The following AP1AR variants were observed in gnomAD, a reference collection of about 807,000 sequenced individuals.
AP1AR encodes the protein adaptor related protein complex 1 associated regulatory protein.
In AP1AR, 29 loss-of-function variants were observed where a neutral mutation model predicts 46.3. The observed-to-expected ratio is 0.63, with a 90% CI of 0.47 to 0.85. AP1AR has a LOEUF of 0.85. Ranked by LOEUF, AP1AR falls within the 40% of genes least tolerant of loss-of-function variation. The pLI is 0.00. For missense variants in AP1AR, 357 were observed against 356.3 expected, an observed-to-expected ratio of 1.00 and a Z score of -0.02; for synonymous variants, 122 against 122.9, an observed-to-expected ratio of 0.99 and a Z score of 0.05.
Position 112,268,327 on chromosome 4 carries a change from A to G in AP1AR, c.827A>G (p.Glu276Gly). The G allele has an allele frequency of 6.2e-7, 1 of 1,613,182 alleles. No homozygotes were observed. Among genetic ancestry groups the G allele is most frequent in the Non-Finnish European group, 8.5e-7 (1 of 1,179,364 alleles). ...GAAATGGATGATAATGGAAATTCCGAGTATTCTGGATTTGTAAATCCTGTA... is the reference window on the plus strand; with the variant it reads ...GAAATGGATGATAATGGAAATTCCGGGTATTCTGGATTTGTAAATCCTGTA... ...SAEMDDNGNS[E>G]YSGFVNPVLE... Residue 276 changes from glutamate to glycine, a missense_variant, in exon 10 of 10, where the codon GAG becomes GGG. Glu to Gly is a moderately conservative substitution (Grantham distance 98). Transcript: ENST00000274000.
intron 1 of AP1AR, among the ~76,000 whole-genome samples, chr4:112,250,562 C>G (rs1030855436): frequency 1.3e-5 from 2 of 152,134 alleles, no homozygotes; most frequent in Non-Finnish European, 2.9e-5. Context: ...AAACATAATT[C>G]AAGCATACTT....
chr4:112,239,752 C>T (rs976019881), intron 1 of AP1AR, among the ~76,000 whole-genome samples: 2 of 152,242 alleles, frequency 1.3e-5, no homozygotes, highest in Admixed American at 6.5e-5. Context: ...TCCTTCATGG[C>T]GCTTACCACT....
intron 1 of AP1AR, among the ~76,000 whole-genome samples, chr4:112,243,214 T>C (rs560745398): frequency 5.3e-4 from 81 of 152,368 alleles, no homozygotes; most frequent in African/African-American, 1.9e-3. Flanking sequence ...TTCTTCCAGC[T>C]TCTCACATCA....
chr4:112,261,981 T>A (rs1300612463), intron 5 of AP1AR, among the ~76,000 whole-genome samples: 12 of 147,080 alleles, frequency 8.2e-5, no homozygotes, highest in Admixed American at 7.5e-4. Flanking sequence ...AAAAAAAAAA[T>A]AAATGCACAC....
chr4:112,264,308 C>CT (rs746510047), intron 6 of AP1AR, among the ~76,000 whole-genome samples: 2 of 152,112 alleles, frequency 1.3e-5, no homozygotes, highest in East Asian at 3.9e-4. Flanking sequence ...CCAGGATTCT[C>CT]TGAGTTTTTC....
intron 1 of AP1AR, among the ~76,000 whole-genome samples, chr4:112,239,624 A>C (rs1023742123): frequency 6.6e-6 from 1 of 152,174 alleles, no homozygotes; most frequent in Non-Finnish European, 1.5e-5. Context: ...ATAACTTTTC[A>C]GTCCACCCAC....
Position 112,232,133 on chromosome 4 carries a change from C to G in AP1AR, c.42C>G (p.Arg14=), listed in dbSNP as rs552525497. The G allele has an allele frequency of 3.9e-6, 5 of 1,282,702 alleles. No homozygotes were observed. Among genetic ancestry groups the G allele is most frequent in the Non-Finnish European group, 5.0e-6 (5 of 1,006,076 alleles). 79.5% of individuals were successfully genotyped at this position (1,282,702 alleles called of 1,614,324 possible). A position where few individuals can be genotyped will look rare whatever the true frequency, so the allele number is the denominator to read the frequency against. Residue 14 remains arginine (R), a synonymous_variant, in exon 1 of 10, where the codon CGC becomes CGG. Coordinates refer to ENST00000274000, the MANE Select transcript of AP1AR (RefSeq NM_018569.6). ...CCWTQCFGLL[R]KEAGRLQRVG... ...GGACGCAGTGCTTCGGACTGCTTCGCAAGGAAGCGGGGCGGCTGCAGCGAG... is the reference window on the plus strand; with the variant it reads ...GGACGCAGTGCTTCGGACTGCTTCGGAAGGAAGCGGGGCGGCTGCAGCGAG...
At chr4:112,267,202 T>C (rs1726745648) in intron 9 of AP1AR, among the ~76,000 whole-genome samples, 1 of 151,882 alleles carries the variant, frequency 6.6e-6, no homozygotes. Context: ...TGATACAGAT[T>C]TAAATGTTCT....
In AP1AR at chr4:112,265,739, G is replaced by C; in HGVS notation, c.446G>C (p.Gly149Ala). The change falls in exon 8 of 10, where the codon GGA becomes GCA. Residue 149 changes from glycine (G) to alanine (A), a missense_variant. Gly to Ala is a moderately conservative substitution (Grantham distance 60). Coordinates refer to ENST00000274000, the MANE Select transcript of AP1AR (RefSeq NM_018569.6). Reference sequence around the variant, plus strand: ...TTATTTCACTTTTATTACAGTTCAGGACCAGAAGATGACTTCGAATCTTGT... The same window carrying C: ...TTATTTCACTTTTATTACAGTTCAGCACCAGAAGATGACTTCGAATCTTGT... ...PSNNGEYQSSGPEDDFESCLR... is the reference protein window; with the variant it reads ...PSNNGEYQSSAPEDDFESCLR... The C allele has an allele frequency of 2.5e-6, 4 of 1,608,576 alleles. No individual in the cohort carries two copies. Among genetic ancestry groups the C allele is most frequent in the Non-Finnish European group, 3.4e-6 (4 of 1,176,852 alleles).
In AP1AR at chr4:112,257,773, G is replaced by A; in HGVS notation, c.161G>A (p.Gly54Glu). The A allele has an allele frequency of 6.4e-7, 1 of 1,565,112 alleles. No homozygotes were observed. The highest frequency in any genetic ancestry group is 8.6e-7 in the Non-Finnish European group (1 of 1,159,800). The part of the protein sequence containing the change: ...EFENLVESDE[G>E]ESPGSSHRPL... ...ATTGTTTAATTAATTTTTGTACAGG[G>A]GGAGAGCCCAGGAAGCAGTCATAGG... Residue 54 changes from glycine (G) to glutamate (E), a missense_variant and splice_region_variant, in exon 4 of 10, where the codon GGG (glycine) becomes GAG (glutamate). This residue lies in a region of AP1AR where 269 missense variants were observed against 223.6 expected (regional missense o/e 1.20). Coordinates refer to ENST00000274000, the MANE Select transcript of AP1AR (RefSeq NM_018569.6).
intron 4 of AP1AR, 108 bp from the exon 5 acceptor site, chr4:112,260,658 T>C (rs1206526806): frequency 1.2e-5 from 8 of 677,026 alleles, no homozygotes; most frequent in Non-Finnish European, 1.9e-5. Flanking sequence ...TTAACATTTT[T>C]AACAGCAAAA....
chr4:112,254,601 AATG>A, intron 2 of AP1AR, 143 bp from the exon 3 acceptor site: 1 of 458,740 alleles, frequency 2.2e-6, no homozygotes, highest in African/African-American at 2.1e-5. Flanking sequence ...TATCAAATGA[AATG>A]ATGTATTAAA....
intron 2 of AP1AR, among the ~76,000 whole-genome samples, chr4:112,254,323 C>T (rs1367166643): frequency 3.9e-5 from 6 of 152,088 alleles, no homozygotes; most frequent in African/African-American, 1.2e-4. Flanking sequence ...TAAATATAAA[C>T]GTGGGGAAAT....
At chr4:112,261,462 T>TA (rs1334989584) in intron 5 of AP1AR, among the ~76,000 whole-genome samples, 1 of 152,104 alleles carries the variant, frequency 6.6e-6, no homozygotes, top group African/African-American at 2.4e-5. Flanking sequence ...AGCAAATTTT[T>TA]AAAAAATTAC....
intron 3 of AP1AR, 29 bp downstream of exon 3, chr4:112,254,802 T>C: frequency 7.9e-7 from 1 of 1,270,452 alleles, no homozygotes; most frequent in Non-Finnish European, 1.1e-6. Context: ...GTACAAAACT[T>C]GTATTTGTTT....
intron 3 of AP1AR, 101 bp from the exon 4 acceptor site, chr4:112,257,671 G>A: frequency 2.4e-6 from 2 of 829,400 alleles, no homozygotes; most frequent in Non-Finnish European, 1.8e-6. Context: ...TAAAAAATGG[G>A]TAAGTTGAAA....
chr4:112,257,790 A>G lies in AP1AR; in HGVS notation c.178A>G (p.Ser60Gly). Residue 60 changes from serine to glycine, a missense_variant, in exon 4 of 10, where the codon AGT becomes GGT. Physicochemically the swap from Ser to Gly is moderately conservative, Grantham distance 56. Transcript: ENST00000274000. ...ESDEGESPGSSHRPLTEEEIV... is the reference protein window; with the variant it reads ...ESDEGESPGSGHRPLTEEEIV... ...TGTACAGGGGGAGAGCCCAGGAAGC[A>G]GTCATAGGTAAGGCTTTGTTAAAAA... is the stretch of plus-strand genomic sequence containing the variant. 1 of 1,562,422 alleles carries G rather than the reference A, an allele frequency of 6.4e-7. No individual in the cohort carries two copies. The highest frequency in any genetic ancestry group is 8.6e-7 in the Non-Finnish European group (1 of 1,158,246).
rs1210438524 is a variant in AP1AR at position 112,232,185 on chromosome 4, TG to T, written c.83+16del. 7.9e-7 allele frequency: 1 copy of T among 1,270,670 alleles called. No individual in the cohort carries two copies. Among genetic ancestry groups the T allele is most frequent in the Non-Finnish European group, 1.0e-6 (1 of 1,000,382 alleles). The allele number at this position is 1,270,670 out of a possible 1,614,324, so 78.7% of individuals were successfully genotyped here. On this transcript the variant is annotated intron_variant, in intron 1 of 9. Transcript: ENST00000274000. Reference sequence around the variant, plus strand: ...AGGCGGCGGCGGAGGGTAAGCCCGCTGGGGGAGGGGCCCGGCCCCCGTGGCT... The same window carrying T: ...AGGCGGCGGCGGAGGGTAAGCCCGCTGGGGAGGGGCCCGGCCCCCGTGGCT...
intron 4 of AP1AR, among the ~76,000 whole-genome samples, chr4:112,258,687 G>A (rs1163704473): frequency 6.6e-6 from 1 of 152,176 alleles, no homozygotes; most frequent in Non-Finnish European, 1.5e-5. Context: ...GATTGTAAAG[G>A]GGCACAAGGA....
Sources: gnomAD v4.1 joint callset for allele counts (sites outside exome capture counted in the v4.1 genomes callset) on GRCh38, gnomAD v4.1.1 for gene constraint, gnomAD v4.1.1 regional missense constraint, MANE v1.5 for transcripts, NCBI Gene and HGNC (gene_info 2026-07-23, HGNC 2026-07-21) for gene names.